PCSK5: variants seen among roughly 807,000 people sequenced by gnomAD.
The protein encoded by PCSK5 is prohormone convertase 5.
A neutral mutation model predicts 233.2 loss-of-function variants in PCSK5; 129 were observed. The observed-to-expected ratio is 0.55, with a 90% CI of 0.48 to 0.64. The LOEUF (loss-of-function observed/expected upper bound fraction) is 0.64. PCSK5 is among the 30% of genes least tolerant of loss of function. The pLI is 0.00. For missense variants in PCSK5, 2,076 were observed against 2,430.1 expected (o/e 0.85, Z 3.06); for synonymous variants, 825 against 879.2 (o/e 0.94, Z 1.09).
At chr9:75,898,039 C>T (rs1825883308) in intron 1 of PCSK5, among the ~76,000 whole-genome samples, 1 of 152,180 alleles carries the variant, frequency 6.6e-6, no homozygotes, top group South Asian at 2.1e-4. Context: ...CTGAAAACAG[C>T]TGAACACTTT....
At chr9:76,075,177 G>A (rs1275018539) in intron 7 of PCSK5, among the ~76,000 whole-genome samples, 7 of 151,952 alleles carry the variant, frequency 4.6e-5, no homozygotes, top group Non-Finnish European at 7.4e-5. Flanking sequence ...CCAAGATCAC[G>A]CCACTGCATT....
intron 34 of PCSK5, among the ~76,000 whole-genome samples, chr9:76,334,105 A>G (rs7042550): frequency 0.1 from 15,754 of 152,076 alleles, 1,394 homozygotes; most frequent in African/African-American, 0.25. Context: ...AGAGAGAATG[A>G]GAGCCAGGCG....
chr9:76,218,087 G>A (rs1008068088), intron 20 of PCSK5, among the ~76,000 whole-genome samples: 1 of 152,130 alleles, frequency 6.6e-6, no homozygotes, highest in African/African-American at 2.4e-5. Context: ...GGGGACCAAG[G>A]ATCCCAAGTT....
intron 5 of PCSK5, among the ~76,000 whole-genome samples, chr9:76,034,035 G>A (rs1828752503): frequency 6.6e-6 from 1 of 152,118 alleles, no homozygotes; most frequent in Non-Finnish European, 1.5e-5. Context: ...TATACATACA[G>A]GTTCACGATG....
At chr9:76,324,259 C>T (rs764894555) in intron 32 of PCSK5, among the ~76,000 whole-genome samples, 41 of 151,902 alleles carry the variant, frequency 2.7e-4, no homozygotes, top group Non-Finnish European at 2.8e-4. Flanking sequence ...GAGATGGAGT[C>T]TCACTCTGTT....
At chr9:76,127,363 C>G in intron 9 of PCSK5, among the ~76,000 whole-genome samples, 1 of 152,152 alleles carries the variant, frequency 6.6e-6, no homozygotes, top group East Asian at 1.9e-4. Flanking sequence ...CAAAGAACAT[C>G]TCACTATCCT....
chr9:76,108,693 C>T (rs1260030158), intron 9 of PCSK5, among the ~76,000 whole-genome samples: 2 of 152,154 alleles, frequency 1.3e-5, no homozygotes, highest in Non-Finnish European at 2.9e-5. Flanking sequence ...GCGGAGGTTG[C>T]AGTGAGCCGA....
At chr9:76,320,776 T>C (rs1829175261) in intron 30 of PCSK5, among the ~76,000 whole-genome samples, 1 of 151,252 alleles carries the variant, frequency 6.6e-6, no homozygotes, top group African/African-American at 2.4e-5. Context: ...ACCCAACCCA[T>C]TGTAGCTTTT....
chr9:76,075,112 C>T (rs577785130), intron 7 of PCSK5, among the ~76,000 whole-genome samples: 1 of 152,188 alleles, frequency 6.6e-6, no homozygotes, highest in African/African-American at 2.4e-5. Flanking sequence ...CCCAACTACT[C>T]AAGAGGCTGA....
intron 2 of PCSK5, among the ~76,000 whole-genome samples, chr9:75,936,658 T>C (rs767890334): frequency 2.0e-5 from 3 of 152,228 alleles, no homozygotes; most frequent in Non-Finnish European, 4.4e-5. Flanking sequence ...ATATCACATC[T>C]GCAGTGACTT....
At chr9:76,032,012 G>A (rs1044629615) in intron 5 of PCSK5, among the ~76,000 whole-genome samples, 1 of 152,064 alleles carries the variant, frequency 6.6e-6, no homozygotes, top group African/African-American at 2.4e-5. Context: ...GCTTCCTTGG[G>A]GCTGGGAGCT....
At chr9:76,030,723 G>T (rs924498215) in intron 5 of PCSK5, among the ~76,000 whole-genome samples, 4 of 151,978 alleles carry the variant, frequency 2.6e-5, no homozygotes, top group African/African-American at 9.7e-5. Flanking sequence ...GCAATTCTTT[G>T]AATATTGGCT....
chr9:76,075,317 C>T (rs1830608475), intron 7 of PCSK5, among the ~76,000 whole-genome samples: 1 of 152,066 alleles, frequency 6.6e-6, no homozygotes, highest in Admixed American at 6.6e-5. Flanking sequence ...TATGTCTGTA[C>T]AAACCTTCAA....
intron 2 of PCSK5, among the ~76,000 whole-genome samples, chr9:75,950,158 A>C (rs921962451): frequency 1.9e-4 from 7 of 37,426 alleles, no homozygotes; most frequent in Admixed American, 3.1e-4. Context: ...GGGGGCGGGG[A>C]GGGGGGAACT....
At chr9:76,050,285 T>G (rs2131554888) in intron 5 of PCSK5, among the ~76,000 whole-genome samples, 1 of 152,372 alleles carries the variant, frequency 6.6e-6, no homozygotes, top group Non-Finnish European at 1.5e-5. Flanking sequence ...TCTGCCAAGC[T>G]GGTCTGTTGC....
At chr9:76,215,149 A>AT (rs573908684) in intron 20 of PCSK5, among the ~76,000 whole-genome samples, 1 of 152,322 alleles carries the variant, frequency 6.6e-6, no homozygotes, top group South Asian at 2.1e-4. Context: ...ATCCCTGCCC[A>AT]TTTTGGCAAA....
intron 24 of PCSK5, among the ~76,000 whole-genome samples, chr9:76,249,184 T>C (rs1826717485): frequency 6.6e-6 from 1 of 152,248 alleles, no homozygotes; most frequent in Admixed American, 6.5e-5. Flanking sequence ...GGAAGGTTGT[T>C]ACTTGCATCT....
intron 24 of PCSK5, among the ~76,000 whole-genome samples, chr9:76,244,773 T>G (rs1233956290): frequency 6.6e-6 from 1 of 152,174 alleles, no homozygotes; most frequent in Non-Finnish European, 1.5e-5. Context: ...AATGATTGTT[T>G]CGTCTGGAAG....
At chr9:75,917,208 A>G (rs1314877403) in intron 1 of PCSK5, among the ~76,000 whole-genome samples, 1 of 152,090 alleles carries the variant, frequency 6.6e-6, no homozygotes, top group East Asian at 1.9e-4. Context: ...AAGCATATGA[A>G]TATAAGCAGT....
Sources: gnomAD v4.1 joint callset for allele counts (sites outside exome capture counted in the v4.1 genomes callset) on GRCh38, gnomAD v4.1.1 for gene constraint, MANE v1.5 for transcripts, NCBI Gene and HGNC (gene_info 2026-07-23, HGNC 2026-07-21) for gene names.